CREB5: variants seen among roughly 807,000 people sequenced by gnomAD.
The protein encoded by CREB5 is cyclic AMP-responsive element-binding protein 5.
CREB5 carries 19 observed loss-of-function variants against 57.1 expected under a neutral mutation model. The observed-to-expected ratio is 0.33, with a 90% CI of 0.23 to 0.49. The LOEUF is 0.49. Ranked by LOEUF, CREB5 falls within the 20% of genes least tolerant of loss-of-function variation. The pLI, the probability that CREB5 is intolerant of heterozygous loss-of-function variation, is 0.99. For missense variants in CREB5, 579 were observed against 671.6 expected (o/e 0.86, Z 1.52); for synonymous variants, 238 against 238.3 (o/e 1.00, Z 0.01).
chr7:28,367,037 T>A (rs1236087364), intron 1 of CREB5, among the ~76,000 whole-genome samples: 1 of 152,208 alleles, frequency 6.6e-6, no homozygotes, highest in African/African-American at 2.4e-5. Flanking sequence ...TGTGCATATA[T>A]TCCCCTTGGA....
At chr7:28,409,603 C>G (rs1253851185), upstream of CREB5, 1 of 251,312 alleles carries the variant, frequency 4.0e-6, no homozygotes, top group Non-Finnish European at 7.9e-6. This position sits in a 1 kb window ranked among gnomAD's most constrained non-coding sequence, Gnocchi z 4.4. Context: ...AGGGAAGATG[C>G]GATGCATTTT....
chr7:28,491,102 G>A, intron 2 of CREB5: 4 of 548,292 alleles, frequency 7.3e-6, no homozygotes, highest in Non-Finnish European at 9.3e-6. Flanking sequence ...GGGTGGTGAG[G>A]AAGCGGAGGT....
chr7:28,744,970 T>G (rs1460598820), intron 7 of CREB5, among the ~76,000 whole-genome samples: 4 of 152,214 alleles, frequency 2.6e-5, no homozygotes, highest in Admixed American at 2.6e-4. Flanking sequence ...ACTGGTTCAT[T>G]TATGAAGCTG....
chr7:28,631,798 G>A (rs1798217064), intron 5 of CREB5, among the ~76,000 whole-genome samples: 1 of 152,112 alleles, frequency 6.6e-6, no homozygotes, highest in Non-Finnish European at 1.5e-5. Flanking sequence ...CAAAAGAAAT[G>A]AAAGATCTTG....
At chr7:28,793,221 G>A (rs1462452028) in intron 7 of CREB5, among the ~76,000 whole-genome samples, 4 of 152,052 alleles carry the variant, frequency 2.6e-5, no homozygotes, top group Non-Finnish European at 4.4e-5. Context: ...ATGGCAAGGA[G>A]GACCCAAATA....
chr7:28,669,688 G>A (rs917811689), intron 5 of CREB5, among the ~76,000 whole-genome samples: 26 of 152,314 alleles, frequency 1.7e-4, no homozygotes, highest in African/African-American at 5.8e-4. Context: ...AACAGGGGAC[G>A]GCTTGGCTGA....
rs527988514 is a variant in CREB5, at chr7:28,822,682, C to T, written c.*3403C>T. 6.5e-6 allele frequency: 1 copy of T among 152,768 alleles called. No homozygotes were observed. Among genetic ancestry groups the T allele is most frequent in the Non-Finnish European group, 1.5e-5 (1 of 68,038 alleles). 9.5% of individuals were successfully genotyped at this position (152,768 alleles called of 1,614,324 possible). A position where few individuals can be genotyped will look rare whatever the true frequency, so the allele number is the denominator to read the frequency against. ...CAACTCAGATAAGTACACCTGAGAG[C>T]ATTTCTATCAGGTAAACTGTCACTT... is the stretch of plus-strand genomic sequence containing the variant. On this transcript the variant is annotated 3_prime_UTR_variant, in exon 11 of 11. Coordinates refer to ENST00000357727, the MANE Select transcript of CREB5 (RefSeq NM_182898.4).
intron 7 of CREB5, among the ~76,000 whole-genome samples, chr7:28,749,057 A>G (rs1024165322): frequency 2.6e-5 from 4 of 152,184 alleles, no homozygotes; most frequent in African/African-American, 2.4e-5. Context: ...GCCAACTGCA[A>G]CTTGGATTTG....
intron 1 of CREB5, among the ~76,000 whole-genome samples, chr7:28,316,673 T>G (rs1785390455): frequency 6.6e-6 from 1 of 152,148 alleles, no homozygotes; most frequent in African/African-American, 2.4e-5. Context: ...CTAGGGCATT[T>G]CATTTTTCTT....
At chr7:28,526,648 T>G (rs1341221194) in intron 4 of CREB5, among the ~76,000 whole-genome samples, 1 of 151,856 alleles carries the variant, frequency 6.6e-6, no homozygotes, top group Non-Finnish European at 1.5e-5. Flanking sequence ...CAAAGCAGAG[T>G]CCATGGTTTA....
intron 5 of CREB5, among the ~76,000 whole-genome samples, chr7:28,611,774 A>G (rs1797399159): frequency 6.6e-6 from 1 of 151,838 alleles, no homozygotes; most frequent in Non-Finnish European, 1.5e-5. Flanking sequence ...AAATGGGGAA[A>G]GGGAATGAGG....
rs547188277 is a variant in CREB5 at position 28,525,028 on chromosome 7, A to G, written c.291+17291A>G. Among the ~76,000 whole-genome samples the G allele has an allele frequency of 2.3e-5, 3 of 127,734 alleles. No homozygotes were observed. In the East Asian group the frequency reaches 7.9e-4, roughly 34 times the overall value. The allele number at this position is 127,734 out of a possible 152,430, so 83.8% of individuals were successfully genotyped here. On this transcript the variant is annotated intron_variant, in intron 4 of 10. Coordinates refer to ENST00000357727, the MANE Select transcript of CREB5 (RefSeq NM_182898.4). ...TCTGGTAACCATCATTCTACTCTCT[A>G]CCTTCATGAGATAAACATTTTAGGC...
At chr7:28,361,492 G>A (rs1786482332) in intron 1 of CREB5, among the ~76,000 whole-genome samples, 2 of 152,216 alleles carry the variant, frequency 1.3e-5, no homozygotes, top group South Asian at 2.1e-4. Flanking sequence ...GCCCAGCTAG[G>A]TGGTGGGCAT....
At chr7:28,323,161 C>A (rs188407065) in intron 1 of CREB5, among the ~76,000 whole-genome samples, 17 of 152,298 alleles carry the variant, frequency 1.1e-4, no homozygotes, top group Admixed American at 2.6e-4. Context: ...CTCCCCTCAC[C>A]GAACTTGGCT....
intron 5 of CREB5, among the ~76,000 whole-genome samples, chr7:28,717,086 C>CTTTTTTTTTTTTTTTT (rs5883165): frequency 1.5e-4 from 17 of 110,248 alleles, no homozygotes; most frequent in Admixed American, 3.5e-4. Flanking sequence ...GCTTTATATT[C>CTTTTTTTTTTTTTTTT]TTTTTTTTTT....
chr7:28,470,881 G>C (rs1373080479), intron 1 of CREB5, among the ~76,000 whole-genome samples: 1 of 152,094 alleles, frequency 6.6e-6, no homozygotes, highest in Non-Finnish European at 1.5e-5. Flanking sequence ...GTCTTCTTTT[G>C]AGAAATGTCT....
At chr7:28,320,865 A>T (rs1320566344) in intron 1 of CREB5, among the ~76,000 whole-genome samples, 2 of 152,262 alleles carry the variant, frequency 1.3e-5, no homozygotes, top group African/African-American at 2.4e-5. Context: ...ATATTCTGAA[A>T]GTTTTATGTA....
At chr7:28,455,220 G>A (rs1790039963) in intron 1 of CREB5, among the ~76,000 whole-genome samples, 1 of 152,182 alleles carries the variant, frequency 6.6e-6, no homozygotes, top group African/African-American at 2.4e-5. Flanking sequence ...ATTTGGAAAT[G>A]CTTACAGTGT....
In CREB5 at chr7:28,820,416, T is replaced by TA. The variant is rs1554304403; in HGVS notation, c.*1137_*1138insA. ...CAGCTGCTAATAGCCTAAGATTTAT[T>TA]TTTTTTTTTTTCTTAAGCCTATGGA... On this transcript the variant is annotated 3_prime_UTR_variant, in exon 11 of 11. Transcript: ENST00000357727. 1 of 149,468 alleles carries TA rather than the reference T, an allele frequency of 6.7e-6. No individual in the cohort carries two copies. The highest frequency in any genetic ancestry group is 1.5e-5 in the Non-Finnish European group (1 of 67,368). 9.3% of individuals were successfully genotyped at this position (149,468 alleles called of 1,614,324 possible). A position where few individuals can be genotyped will look rare whatever the true frequency, so the allele number is the denominator to read the frequency against.
Sources: allele counts gnomAD v4.1 joint callset (sites outside exome capture counted in the v4.1 genomes callset), GRCh38; gene constraint gnomAD v4.1.1; non-coding constraint Gnocchi (gnomAD v3.1); transcripts MANE v1.5; gene names NCBI Gene and HGNC (gene_info 2026-07-23, HGNC 2026-07-21).